ZNF804A: variants seen among roughly 807,000 people sequenced by gnomAD.
ZNF804A encodes the protein zinc finger protein 804A.
A neutral mutation model predicts 16.5 loss-of-function variants in ZNF804A; 2 were observed. That is an observed-to-expected ratio of 0.12 (90% CI 0.05 to 0.38). The LOEUF is 0.38. ZNF804A is among the 10% of genes least tolerant of loss of function. The pLI, the probability that ZNF804A is intolerant of heterozygous loss-of-function variation, is 0.99. For synonymous variants in ZNF804A, 534 were observed against 489.6 expected (o/e 1.09, Z -1.20); for missense variants, 1,473 against 1,390.7 (o/e 1.06, Z -0.94).
intron 1 of ZNF804A, among the ~76,000 whole-genome samples, chr2:184,644,751 A>G (rs1364063311): frequency 3.3e-5 from 5 of 152,016 alleles, no homozygotes; most frequent in African/African-American, 1.2e-4. Flanking sequence ...AGAGGTTTAA[A>G]ACTCTGTTTC....
chr2:184,826,053 A>G (rs1166715374), intron 1 of ZNF804A, among the ~76,000 whole-genome samples: 3 of 150,928 alleles, frequency 2.0e-5, no homozygotes, highest in East Asian at 3.9e-4. Flanking sequence ...TTATTTATTT[A>G]TTTTGTATTT....
At chr2:184,706,696 A>G (rs768700995) in intron 1 of ZNF804A, among the ~76,000 whole-genome samples, 2 of 152,156 alleles carry the variant, frequency 1.3e-5, no homozygotes, top group African/African-American at 2.4e-5. Context: ...GTGGTTTAGG[A>G]CTACATATTA....
intron 1 of ZNF804A, among the ~76,000 whole-genome samples, chr2:184,703,844 A>G (rs1222607350): frequency 6.6e-6 from 1 of 152,120 alleles, no homozygotes; most frequent in Non-Finnish European, 1.5e-5. Flanking sequence ...AATTTATAAT[A>G]GTGCATATAT....
chr2:184,806,421 A>G (rs1471123099), intron 1 of ZNF804A, among the ~76,000 whole-genome samples: 1 of 151,906 alleles, frequency 6.6e-6, no homozygotes, highest in Non-Finnish European at 1.5e-5. Context: ...ACATTTCATC[A>G]ACATTTAAAA....
At chr2:184,640,180 A>G (rs1691771538) in intron 1 of ZNF804A, among the ~76,000 whole-genome samples, 1 of 151,920 alleles carries the variant, frequency 6.6e-6, no homozygotes, top group Non-Finnish European at 1.5e-5. Context: ...ACCAAAGAAA[A>G]AAAAGAAGTA....
chr2:184,657,770 G>T (rs751860537), intron 1 of ZNF804A, among the ~76,000 whole-genome samples: 1 of 152,134 alleles, frequency 6.6e-6, no homozygotes, highest in Admixed American at 6.5e-5. Context: ...TGGGAGGGAT[G>T]GATTTTTATA....
chr2:184,930,667 T>C (rs1685683830), intron 2 of ZNF804A, among the ~76,000 whole-genome samples: 1 of 152,192 alleles, frequency 6.6e-6, no homozygotes, highest in Admixed American at 6.5e-5. Flanking sequence ...TATTTATTCA[T>C]AGTGATGAAC....
intron 1 of ZNF804A, among the ~76,000 whole-genome samples, chr2:184,721,454 C>T (rs536544576): frequency 2.6e-5 from 4 of 152,024 alleles, no homozygotes; most frequent in African/African-American, 9.6e-5. Flanking sequence ...ATAAGACATA[C>T]AAACGTCCAA....
At chr2:184,708,215 G>A (rs1369770239) in intron 1 of ZNF804A, among the ~76,000 whole-genome samples, 4 of 151,920 alleles carry the variant, frequency 2.6e-5, no homozygotes, top group African/African-American at 9.7e-5. Flanking sequence ...CCATTCTGTA[G>A]GTTGTCTGTT....
chr2:184,601,949 T>C (rs754430277), intron 1 of ZNF804A, among the ~76,000 whole-genome samples: 19 of 151,930 alleles, frequency 1.3e-4, no homozygotes, highest in Admixed American at 7.2e-4. Flanking sequence ...CCTGTAACTG[T>C]TAATACAGTC....
chr2:184,811,951 G>A (rs753932853), intron 1 of ZNF804A, among the ~76,000 whole-genome samples: 20 of 152,212 alleles, frequency 1.3e-4, no homozygotes, highest in Admixed American at 4.6e-4. Context: ...GAACACAGTC[G>A]CCCATCACTC....
chr2:184,807,817 T>C (rs1694834256), intron 1 of ZNF804A, among the ~76,000 whole-genome samples: 1 of 151,692 alleles, frequency 6.6e-6, no homozygotes, highest in Non-Finnish European at 1.5e-5. Context: ...ATTAAGGCAT[T>C]CATTTTTCTA....
In ZNF804A at chr2:184,778,141, T is replaced by C. The variant is rs554398755; in HGVS notation, c.112-88228T>C. Among the ~76,000 whole-genome samples the C allele has an allele frequency of 2.0e-3, 305 of 151,780 alleles. 1 individual carries two copies. Among genetic ancestry groups the C allele is most frequent in the African/African-American group, 7.1e-3 (293 of 41,480 alleles). On this transcript the variant is annotated intron_variant, in intron 1 of 3. Coordinates refer to ENST00000302277, the MANE Select transcript of ZNF804A (RefSeq NM_194250.2). Reference sequence around the variant, plus strand: ...CAAAGTAGCTGTGTTAAAGCTCCTGTTATGTCTGATAATTTTCTTGCTTTG... The same window carrying C: ...CAAAGTAGCTGTGTTAAAGCTCCTGCTATGTCTGATAATTTTCTTGCTTTG...
chr2:184,713,578 A>G (rs1228240017), intron 1 of ZNF804A, among the ~76,000 whole-genome samples: 2 of 151,970 alleles, frequency 1.3e-5, no homozygotes, highest in East Asian at 3.9e-4. Context: ...AAGTCTTGAA[A>G]CAATAACTAT....
chr2:184,885,377 G>A (rs751771742), intron 2 of ZNF804A, among the ~76,000 whole-genome samples: 11 of 151,988 alleles, frequency 7.2e-5, no homozygotes, highest in South Asian at 4.1e-4. Flanking sequence ...TACTATAAAC[G>A]ACACACATGC....
chr2:184,796,397 C>A (rs1341784996), intron 1 of ZNF804A, among the ~76,000 whole-genome samples: 3 of 151,948 alleles, frequency 2.0e-5, no homozygotes, highest in African/African-American at 7.3e-5. Flanking sequence ...CCATTTCAAT[C>A]TTGTTGCTTG....
intron 1 of ZNF804A, among the ~76,000 whole-genome samples, chr2:184,778,252 A>C (rs1221817334): frequency 1.3e-5 from 2 of 151,618 alleles, no homozygotes; most frequent in Non-Finnish European, 3.0e-5. Context: ...TCATTTAATA[A>C]ATATTCATTG....
chr2:184,844,431 C>A (rs766911948), intron 1 of ZNF804A, among the ~76,000 whole-genome samples: 1 of 151,874 alleles, frequency 6.6e-6, no homozygotes, highest in Non-Finnish European at 1.5e-5. Context: ...GCAGTTTTTG[C>A]TTGTCTGAGA....
chr2:184,644,877 G>A (rs1014713976), intron 1 of ZNF804A, among the ~76,000 whole-genome samples: 1 of 151,658 alleles, frequency 6.6e-6, no homozygotes, highest in African/African-American at 2.4e-5. Flanking sequence ...ACCACACTGG[G>A]GCAGCAGTCA....
Sources: gnomAD v4.1 joint callset for allele counts (sites outside exome capture counted in the v4.1 genomes callset) on GRCh38, gnomAD v4.1.1 for gene constraint, MANE v1.5 for transcripts, NCBI Gene and HGNC (gene_info 2026-07-23, HGNC 2026-07-21) for gene names.